Variants in AK4 observed in about 807,000 individuals in gnomAD.
The protein encoded by AK4 is adenylate kinase 4.
Under a neutral mutation model 24.6 loss-of-function variants are expected in AK4, and 13 were observed. That is an observed-to-expected ratio of 0.53 (90% CI 0.34 to 0.84). The LOEUF (loss-of-function observed/expected upper bound fraction) is 0.84, where lower values mean the gene tolerates loss of function less well. AK4 is among the 40% of genes least tolerant of loss of function. The pLI is 0.01. For missense variants in AK4, 192 were observed against 288.2 expected (o/e 0.67, Z 2.42); for synonymous variants, 88 against 107.0 (o/e 0.82, Z 1.10).
intron 1 of AK4, among the ~76,000 whole-genome samples, chr1:65,187,446 G>C (rs184464775): frequency 2.3e-3 from 353 of 151,968 alleles, no homozygotes; most frequent in South Asian, 0.01. Context: ...AGAAGAAGGA[G>C]TGACTGCTAA....
chr1:65,159,561 G>A (rs1343911857), intron 1 of AK4, among the ~76,000 whole-genome samples: 1 of 152,214 alleles, frequency 6.6e-6, no homozygotes, highest in Non-Finnish European at 1.5e-5. Context: ...GGAGACTGAG[G>A]TGGGAGGATT....
chr1:65,185,452 C>A (rs979946714), intron 1 of AK4, among the ~76,000 whole-genome samples: 3 of 152,110 alleles, frequency 2.0e-5, no homozygotes, highest in African/African-American at 7.2e-5. Flanking sequence ...TTTTCTTTGA[C>A]TGTCAGTGCT....
At chr1:65,221,950 G>A (rs1406577809) in intron 3 of AK4, among the ~76,000 whole-genome samples, 1 of 152,154 alleles carries the variant, frequency 6.6e-6, no homozygotes, top group East Asian at 1.9e-4. Context: ...TTTAGGACAC[G>A]GACGCAAGGA....
chr1:65,206,958 GTCTT>G (rs1158104887), intron 2 of AK4, among the ~76,000 whole-genome samples: 2 of 152,140 alleles, frequency 1.3e-5, no homozygotes, highest in Admixed American at 1.3e-4. Flanking sequence ...TTTTATCTGT[GTCTT>G]TATTCAGGAA....
chr1:65,172,885 C>T (rs1650587313), intron 1 of AK4, among the ~76,000 whole-genome samples: 1 of 99,836 alleles, frequency 1.0e-5, no homozygotes, highest in African/African-American at 4.3e-5. Context: ...TTTTTTGATA[C>T]GAACTCTCGC....
At chr1:65,201,617 T>C (rs1480211778) in intron 2 of AK4, among the ~76,000 whole-genome samples, 2 of 152,210 alleles carry the variant, frequency 1.3e-5, no homozygotes, top group Non-Finnish European at 2.9e-5. Context: ...CCTGACCTCA[T>C]AGTCCAGGAG....
intron 2 of AK4, among the ~76,000 whole-genome samples, chr1:65,195,978 T>G (rs891911654): frequency 9.9e-5 from 15 of 152,224 alleles, no homozygotes; most frequent in African/African-American, 3.6e-4. Flanking sequence ...AGGCCTGTTT[T>G]AGTGAAGTAC....
At chr1:65,188,468 GTTTTTATTTTTA>G (rs1224014368) in intron 1 of AK4, among the ~76,000 whole-genome samples, 1 of 152,030 alleles carries the variant, frequency 6.6e-6, no homozygotes, top group Non-Finnish European at 1.5e-5. Flanking sequence ...TCCGCTTTGT[GTTTTTATTTTTA>G]TTTTTATTTT....
In AK4 at chr1:65,227,032, C is replaced by T. The variant is rs1158276155; in HGVS notation, c.*855C>T. The T allele has an allele frequency of 7.0e-6, 1 of 141,956 alleles. No homozygotes were observed. Among genetic ancestry groups the T allele is most frequent in the Non-Finnish European group, 1.5e-5 (1 of 65,928 alleles). The allele number at this position is 141,956 out of a possible 1,614,324, so 8.8% of individuals were successfully genotyped here. A position where few individuals can be genotyped will look rare whatever the true frequency, so the allele number is the denominator to read the frequency against. The stretch of plus-strand genomic sequence containing the variant: ...TTTATTGTGAAAAAAAAAAAAAACC[C>T]TGAAAGTCTTGGGAACCCCCTAAAG... On this transcript the variant is annotated 3_prime_UTR_variant, in exon 5 of 5. Transcript: ENST00000327299.
intron 1 of AK4, among the ~76,000 whole-genome samples, 187 bp from the exon 2 acceptor site, chr1:65,190,523 T>C (rs1651271906): frequency 6.6e-6 from 1 of 151,974 alleles, no homozygotes; most frequent in Admixed American, 6.6e-5. Context: ...GGGAGATAAA[T>C]GTGTTAAATA....
intron 1 of AK4, among the ~76,000 whole-genome samples, chr1:65,190,355 T>G (rs1651260523): frequency 6.7e-6 from 1 of 150,106 alleles, no homozygotes; most frequent in South Asian, 2.1e-4. Context: ...TGCAAACTCC[T>G]GGGCTTAAGT....
chr1:65,216,196 A>C (rs1652125394), intron 2 of AK4, among the ~76,000 whole-genome samples: 1 of 151,122 alleles, frequency 6.6e-6, no homozygotes, highest in Non-Finnish European at 1.5e-5. Flanking sequence ...GCAGTGGTAC[A>C]ATCTCAGCTC....
chr1:65,200,368 G>A (rs894217324), intron 2 of AK4, among the ~76,000 whole-genome samples: 3 of 152,154 alleles, frequency 2.0e-5, no homozygotes, highest in Non-Finnish European at 4.4e-5. Flanking sequence ...GCCCACCTCA[G>A]CCTCCCAAAG....
At position 65,229,166 on chromosome 1, in the gene AK4, C is replaced by T. The variant is rs936871241; in HGVS notation, c.*2989C>T. 6.6e-6 allele frequency: 1 copy of T among 152,116 alleles called. No individual in the cohort carries two copies. Among genetic ancestry groups the T allele is most frequent in the Non-Finnish European group, 1.5e-5 (1 of 68,048 alleles). 9.4% of individuals were successfully genotyped at this position (152,116 alleles called of 1,614,324 possible). ...GGTTTTCCTGACTCAGAAGACTGAG[C>T]TTTTTCCTGGATGTTATTAATAGCT... On this transcript the variant is annotated 3_prime_UTR_variant, in exon 5 of 5. Transcript: ENST00000327299.
chr1:65,218,856 T>C lies in AK4; in HGVS notation c.368T>C (p.Leu123Pro). ...NIPFETLKDR[L>P]SRRWIHPPSG... ...CCATTTGAAACACTTAAAGATCGTC[T>C]CAGCCGCCGTTGGATTCACCCTCCT... Residue 123 changes from leucine to proline, a missense_variant, in exon 3 of 5, where the codon CTC (leucine) becomes CCC (proline). Leu to Pro is a moderately conservative substitution (Grantham distance 98, BLOSUM62 -3). Coordinates refer to ENST00000327299, the MANE Select transcript of AK4 (RefSeq NM_013410.4). 2 of 1,607,720 alleles carry C rather than the reference T, an allele frequency of 1.2e-6. No homozygotes were observed. Among genetic ancestry groups the C allele is most frequent in the Non-Finnish European group, 8.5e-7 (1 of 1,177,142 alleles).
intron 1 of AK4, among the ~76,000 whole-genome samples, chr1:65,158,824 A>T (rs533090488): frequency 5.2e-4 from 79 of 151,950 alleles, no homozygotes; most frequent in Non-Finnish European, 9.0e-4. Context: ...GATTTTTTTT[A>T]AAAAAGCATG....
At chr1:65,172,062 AGTATATATATAT>A (rs1203189211) in intron 1 of AK4, among the ~76,000 whole-genome samples, 1 of 29,912 alleles carries the variant, frequency 3.3e-5, no homozygotes, top group Non-Finnish European at 9.3e-5. Context: ...CTCCATCTCA[AGTATATATATAT>A]ATATATATAT....
At chr1:65,174,796 A>T (rs148143797) in intron 1 of AK4, among the ~76,000 whole-genome samples, 7 of 152,350 alleles carry the variant, frequency 4.6e-5, no homozygotes, top group African/African-American at 1.7e-4. Flanking sequence ...AAGTTACTCA[A>T]ACACTTTCTA....
At chr1:65,154,679 G>A in intron 1 of AK4, 1 of 397,402 alleles carries the variant, frequency 2.5e-6, no homozygotes, top group South Asian at 1.9e-5. Flanking sequence ...ATTATCCAAG[G>A]CATCTACCCA....
Sources: gnomAD v4.1 joint callset for allele counts (sites outside exome capture counted in the v4.1 genomes callset) on GRCh38, gnomAD v4.1.1 for gene constraint, MANE v1.5 for transcripts, NCBI Gene and HGNC (gene_info 2026-07-23, HGNC 2026-07-21) for gene names.